ITGBL1: variants seen among roughly 807,000 people sequenced by gnomAD.
ITGBL1 encodes integrin beta-like protein 1.
Under a neutral mutation model 68.5 loss-of-function variants are expected in ITGBL1, and 51 were observed. The ratio of observed to expected loss-of-function variants is 0.74; its 90% confidence interval spans 0.59 to 0.94. ITGBL1 has a LOEUF of 0.94. Ranked by LOEUF, ITGBL1 falls within the 40% of genes least tolerant of loss-of-function variation. The pLI, the probability that ITGBL1 is intolerant of heterozygous loss-of-function variation, is 0.00. For synonymous variants in ITGBL1, 209 were observed against 227.3 expected (o/e 0.92, Z 0.72); for missense variants, 649 against 647.4 (o/e 1.00, Z -0.03).
Position 101,659,074 on chromosome 13 carries a change from C to T in ITGBL1, c.1016-33511C>T, listed in dbSNP as rs542478119. Among the ~76,000 whole-genome samples, 31 of 125,816 alleles carry T rather than the reference C, an allele frequency of 2.5e-4. No homozygotes were observed. The South Asian group carries it at 2.6e-3, about 11-fold the overall frequency. 82.5% of individuals were successfully genotyped at this position (125,816 alleles called of 152,430 possible). A position where few individuals can be genotyped will look rare whatever the true frequency, so the allele number is the denominator to read the frequency against. On this transcript the variant is annotated intron_variant, in intron 7 of 10. Transcript: ENST00000376180. ...TTTTTTTTTTTTTGAGGCGGAATCT[C>T]GCTCTGTTGCCCAGGCTGGAGAGCT... is the stretch of plus-strand genomic sequence containing the variant.
rs781082960 is a variant in ITGBL1 at position 101,454,081 on chromosome 13, C to T, written c.297C>T (p.Tyr99=). Residue 99 remains tyrosine, a synonymous_variant, in exon 2 of 11, where the codon TAC becomes TAT. Coordinates refer to ENST00000376180, the MANE Select transcript of ITGBL1 (RefSeq NM_004791.3). ...GCCATGAGTGGGTGTGCGAGACCTA[C>T]GACGGGAGCACCTGTGCAGGTAAGA... ...CECHEWVCET[Y]DGSTCAGHGK... 3 of 1,580,400 alleles carry T rather than the reference C, an allele frequency of 1.9e-6. No homozygotes were observed. The highest frequency in any genetic ancestry group is 2.6e-6 in the Non-Finnish European group (3 of 1,163,332).
Position 101,453,657 on chromosome 13 carries a change from CAT to C in ITGBL1, c.99-225_99-224del, listed in dbSNP as rs2048194647. ...GTCCGGGGGCAGGTCACCCATTACA[CAT>C]TTTGGGCCCTGGTCATTTCTCTGGT... On this transcript the variant is annotated intron_variant, in intron 1 of 10. Transcript: ENST00000376180. Among the ~76,000 whole-genome samples the C allele has an allele frequency of 2.0e-5, 3 of 152,220 alleles. No homozygotes were observed. In the South Asian group the frequency reaches 6.2e-4, roughly 32 times the overall value.
chr13:101,676,205 T>C (rs912634654), intron 7 of ITGBL1, among the ~76,000 whole-genome samples: 4 of 152,166 alleles, frequency 2.6e-5, no homozygotes. Flanking sequence ...TTTTGTTTTG[T>C]TTTGCATTTT....
At chr13:101,706,030 C>T (rs904589874) in intron 8 of ITGBL1, among the ~76,000 whole-genome samples, 3 of 152,172 alleles carry the variant, frequency 2.0e-5, no homozygotes, top group Non-Finnish European at 4.4e-5. Context: ...AATGGAATAT[C>T]ATGCAATCTA....
chr13:101,560,859 T>A (rs2050088166), intron 2 of ITGBL1, among the ~76,000 whole-genome samples: 1 of 152,206 alleles, frequency 6.6e-6, no homozygotes, highest in Non-Finnish European at 1.5e-5. Flanking sequence ...GAGCTATAGT[T>A]ATTCTTTACC....
At position 101,656,053 on chromosome 13, in the gene ITGBL1, G is replaced by A. The variant is rs113259207; in HGVS notation, c.1016-36532G>A. 2.3e-3 allele frequency among the ~76,000 whole-genome samples: 355 copies of A among 152,192 alleles called. 1 individual carries two copies. Among genetic ancestry groups the A allele is most frequent in the African/African-American group, 8.0e-3 (332 of 41,532 alleles). Reference sequence around the variant, plus strand: ...GAAAGGTGGCACAACTCAAAACGAGGTGGGGGAGGGGGGCTTCCTCGCTAA... The same window carrying A: ...GAAAGGTGGCACAACTCAAAACGAGATGGGGGAGGGGGGCTTCCTCGCTAA... On this transcript the variant is annotated intron_variant, in intron 7 of 10. Transcript: ENST00000376180.
intron 7 of ITGBL1, among the ~76,000 whole-genome samples, chr13:101,619,469 G>T (rs943804900): frequency 5.3e-5 from 8 of 152,136 alleles, no homozygotes; most frequent in Admixed American, 3.9e-4. Flanking sequence ...AAAGAATGCA[G>T]CCTGTCTCTA....
At chr13:101,490,085 C>T (rs979106114) in intron 2 of ITGBL1, 2 of 842,590 alleles carry the variant, frequency 2.4e-6, no homozygotes, top group Non-Finnish European at 1.9e-6. Context: ...TGTTGAAATT[C>T]TAACCCCCAG....
intron 7 of ITGBL1, among the ~76,000 whole-genome samples, chr13:101,620,850 G>A (rs113180640): frequency 1.1e-3 from 162 of 152,272 alleles, no homozygotes; most frequent in African/African-American, 3.9e-3. Flanking sequence ...CTAAAGAATA[G>A]TTGCTGTTAG....
intron 2 of ITGBL1, among the ~76,000 whole-genome samples, chr13:101,521,185 A>T (rs1382980138): frequency 6.6e-6 from 1 of 152,190 alleles, no homozygotes. Context: ...AATATTGGAA[A>T]GTTATTCCTC....
chr13:101,544,412 A>C (rs995957296), intron 2 of ITGBL1, among the ~76,000 whole-genome samples: 8 of 152,030 alleles, frequency 5.3e-5, no homozygotes, highest in Non-Finnish European at 8.8e-5. Context: ...GTTCCTCTGG[A>C]AGTTTTGTCT....
At chr13:101,716,639 T>C (rs1290225567), downstream of ITGBL1, 1 of 152,096 alleles carries the variant, frequency 6.6e-6, no homozygotes, top group Non-Finnish European at 1.5e-5. Context: ...TTGAGTTACA[T>C]ATAAAATGGG....
chr13:101,518,271 G>A (rs772136134), intron 2 of ITGBL1, among the ~76,000 whole-genome samples: 9 of 152,058 alleles, frequency 5.9e-5, no homozygotes, highest in Non-Finnish European at 1.2e-4. Context: ...TTTTTAGTAT[G>A]CAATAATTTG....
At chr13:101,649,280 A>C (rs2032667138) in intron 7 of ITGBL1, among the ~76,000 whole-genome samples, 2 of 152,200 alleles carry the variant, frequency 1.3e-5, no homozygotes, top group Admixed American at 1.3e-4. Flanking sequence ...TATTCAAAAC[A>C]CAAGGGATGT....
intron 8 of ITGBL1, among the ~76,000 whole-genome samples, chr13:101,698,640 A>G (rs1419034305): frequency 6.6e-6 from 1 of 152,252 alleles, no homozygotes; most frequent in African/African-American, 2.4e-5. Context: ...CAACCTATGC[A>G]TGCATGGATT....
At position 101,530,252 on chromosome 13, in the gene ITGBL1, T is replaced by G. The variant is rs115538624; in HGVS notation, c.317-37447T>G. On this transcript the variant is annotated intron_variant, in intron 2 of 10. Transcript: ENST00000376180. ...GAAAAGTATGAAATGTAATTATATA[T>G]AGAGAGAGAGAGAGCGCGAGGGGAG... is the stretch of plus-strand genomic sequence containing the variant. 8.4e-3 allele frequency among the ~76,000 whole-genome samples: 1,272 copies of G among 151,454 alleles called. 17 individuals are homozygous for G. Among genetic ancestry groups the G allele is most frequent in the African/African-American group, 0.027 (1,098 of 41,264 alleles).
chr13:101,579,545 C>CATCAAAGTAAATGG, intron 5 of ITGBL1, 118 bp downstream of exon 5: 1 of 1,039,072 alleles, frequency 9.6e-7, no homozygotes, highest in Non-Finnish European at 1.4e-6. Context: ...TAACCATTTA[C>CATCAAAGTAAATGG]TTTGATGTAA....
intron 2 of ITGBL1, among the ~76,000 whole-genome samples, chr13:101,548,478 C>A (rs1283504831): frequency 2.0e-5 from 3 of 151,678 alleles, no homozygotes; most frequent in Non-Finnish European, 4.4e-5. Flanking sequence ...TGTATGACCA[C>A]AATTTAAAAT....
At chr13:101,586,859 T>C (rs1186031315) in intron 6 of ITGBL1, among the ~76,000 whole-genome samples, 1 of 152,222 alleles carries the variant, frequency 6.6e-6, no homozygotes, top group Non-Finnish European at 1.5e-5. Flanking sequence ...ATTATGCTTA[T>C]TAGTCTTTAA....
Sources: allele counts gnomAD v4.1 joint callset (sites outside exome capture counted in the v4.1 genomes callset), GRCh38; gene constraint gnomAD v4.1.1; transcripts MANE v1.5; gene names NCBI Gene and HGNC (gene_info 2026-07-23, HGNC 2026-07-21).